ZRANB3: variants seen among roughly 807,000 people sequenced by gnomAD.
The protein encoded by ZRANB3 is DNA annealing helicase and endonuclease ZRANB3.
A neutral mutation model predicts 133.8 loss-of-function variants in ZRANB3; 125 were observed. The observed-to-expected ratio is 0.93, with a 90% CI of 0.81 to 1.08. ZRANB3 has a LOEUF of 1.08. ZRANB3 is among the 50% of genes least tolerant of loss of function. The pLI, the probability that ZRANB3 is intolerant of heterozygous loss-of-function variation, is 0.00. For missense variants in ZRANB3, 1,229 were observed against 1,275.5 expected, an observed-to-expected ratio of 0.96 and a Z score of 0.56; for synonymous variants, 387 against 432.7, an observed-to-expected ratio of 0.89 and a Z score of 1.31.
At chr2:135,414,247 G>A (rs1279998868) in intron 2 of ZRANB3, among the ~76,000 whole-genome samples, 2 of 152,080 alleles carry the variant, frequency 1.3e-5, no homozygotes. Context: ...CAAAATAAAA[G>A]GATGGAGGAA....
At chr2:135,441,635 T>A (rs1460540373) in intron 2 of ZRANB3, among the ~76,000 whole-genome samples, 1 of 152,058 alleles carries the variant, frequency 6.6e-6, no homozygotes, top group Non-Finnish European at 1.5e-5. Flanking sequence ...TATATACTTG[T>A]ATAATACAAT....
At chr2:135,528,790 T>C (rs1443798545) in intron 1 of ZRANB3, among the ~76,000 whole-genome samples, 2 of 152,254 alleles carry the variant, frequency 1.3e-5, no homozygotes, top group Non-Finnish European at 2.9e-5. Context: ...TACATTCCTA[T>C]ATCTAGCAGG....
intron 17 of ZRANB3, among the ~76,000 whole-genome samples, chr2:135,210,491 T>C (rs1379061074): frequency 2.0e-5 from 3 of 152,084 alleles, no homozygotes; most frequent in South Asian, 4.1e-4. Flanking sequence ...ACCACCATGC[T>C]TGGCCAATTA....
intron 8 of ZRANB3, among the ~76,000 whole-genome samples, chr2:135,287,406 CT>C (rs1364614220): frequency 6.6e-6 from 1 of 152,008 alleles, no homozygotes; most frequent in Non-Finnish European, 1.5e-5. Flanking sequence ...TATGATGAGT[CT>C]TTTTTGGTTC....
intron 18 of ZRANB3, among the ~76,000 whole-genome samples, chr2:135,208,288 T>TA (rs1363744659): frequency 1.6e-4 from 24 of 152,154 alleles, no homozygotes; most frequent in African/African-American, 5.8e-4. Context: ...TCACAGGAAA[T>TA]AGAGTCACAG....
At position 135,408,302 on chromosome 2, in the gene ZRANB3, G is replaced by C. The variant is rs556143808; in HGVS notation, c.162-17482C>G. On this transcript the variant is annotated intron_variant, in intron 2 of 20. Transcript: ENST00000264159. ...ACCATCTCACACCAGTTAGAATGGC[G>C]ATCATTAAAAAGTCAGGAAACAACA... is the stretch of plus-strand genomic sequence containing the variant. 2.3e-4 allele frequency among the ~76,000 whole-genome samples: 35 copies of C among 152,048 alleles called. No individual in the cohort carries two copies. In the East Asian group the frequency reaches 6.0e-3, roughly 26 times the overall value.
chr2:135,255,370 T>C (rs1679605204), intron 12 of ZRANB3, among the ~76,000 whole-genome samples: 1 of 152,174 alleles, frequency 6.6e-6, no homozygotes, highest in African/African-American at 2.4e-5. Flanking sequence ...CTCTCTGCTT[T>C]ACCCCTACAA....
intron 6 of ZRANB3, among the ~76,000 whole-genome samples, chr2:135,321,473 G>GTTTT (rs1558915065): frequency 7.1e-6 from 1 of 140,954 alleles, no homozygotes; most frequent in African/African-American, 2.9e-5. Context: ...TGAGTTTTGG[G>GTTTT]ATTTTTTTTT....
chr2:135,244,515 C>G (rs946158686), intron 12 of ZRANB3, among the ~76,000 whole-genome samples: 1 of 151,784 alleles, frequency 6.6e-6, no homozygotes, highest in East Asian at 1.9e-4. Flanking sequence ...GGCTGACGCA[C>G]GAGAATCACT....
rs529532300 is a variant in ZRANB3 at position 135,233,752 on chromosome 2, T to C, written c.1540-2825A>G. Among the ~76,000 whole-genome samples, 451 of 152,262 alleles carry C rather than the reference T, an allele frequency of 3.0e-3. 3 individuals carry two copies. The highest frequency in any genetic ancestry group is 0.01 in the African/African-American group (420 of 41,548). ...ACAGACAAGCAAATGCTGAGAGATT[T>C]TGTCACCACCAGACCTGCCCTAAAA... is the stretch of plus-strand genomic sequence containing the variant. On this transcript the variant is annotated intron_variant, in intron 12 of 20. Transcript: ENST00000264159.
At chr2:135,327,999 T>C (rs1469189400) in intron 6 of ZRANB3, among the ~76,000 whole-genome samples, 1 of 152,108 alleles carries the variant, frequency 6.6e-6, no homozygotes, top group Non-Finnish European at 1.5e-5. Flanking sequence ...GTAGAGAAGC[T>C]GTCTAGAGGG....
At chr2:135,429,676 A>G (rs896056456) in intron 2 of ZRANB3, among the ~76,000 whole-genome samples, 2 of 152,126 alleles carry the variant, frequency 1.3e-5, no homozygotes, top group Non-Finnish European at 2.9e-5. Context: ...GTTAACAGAG[A>G]ATGCCTAAAA....
chr2:135,363,979 G>A (rs1222215365), intron 3 of ZRANB3, among the ~76,000 whole-genome samples: 2 of 152,096 alleles, frequency 1.3e-5, no homozygotes, highest in African/African-American at 4.8e-5. Flanking sequence ...GGGAGGCTGA[G>A]CTAGGAGGAT....
chr2:135,434,009 A>G (rs555855712), intron 2 of ZRANB3, among the ~76,000 whole-genome samples: 3 of 152,172 alleles, frequency 2.0e-5, no homozygotes, highest in Admixed American at 2.0e-4. Flanking sequence ...ACAAAACAAA[A>G]AAATTAGCCA....
rs1685375084 is a variant in ZRANB3, at chr2:135,355,210, C to A, written c.181-1582G>T. On this transcript the variant is annotated intron_variant, in intron 3 of 20. Transcript: ENST00000264159. ...CAAAAAAGCAATCTTAGAATTCATG[C>A]AAAGTTATATTTACACATTCGTTGG... The A allele has an allele frequency of 4.1e-6, 4 of 984,866 alleles. No individual in the cohort carries two copies. The South Asian group carries it at 1.9e-4, about 46-fold the overall frequency. The allele number at this position is 984,866 out of a possible 1,614,324, so 61.0% of individuals were successfully genotyped here. A position where few individuals can be genotyped will look rare whatever the true frequency, so the allele number is the denominator to read the frequency against.
intron 2 of ZRANB3, among the ~76,000 whole-genome samples, chr2:135,480,883 T>C (rs202019641): frequency 0.23 from 29,459 of 126,986 alleles, 5,409 homozygotes; most frequent in African/African-American, 0.56. Flanking sequence ...TTTGTTCTTG[T>C]GATAGTTTAC....
chr2:135,410,746 T>C (rs1427682035), intron 2 of ZRANB3, among the ~76,000 whole-genome samples: 2 of 150,376 alleles, frequency 1.3e-5, no homozygotes, highest in Admixed American at 6.7e-5. Flanking sequence ...CTAGACTCTA[T>C]AAGGAACTGG....
At chr2:135,510,766 A>C in intron 1 of ZRANB3, 1 of 805,200 alleles carries the variant, frequency 1.2e-6, no homozygotes, top group Admixed American at 1.7e-5. Context: ...GTTGCGAAGG[A>C]CCTTCTGAAC....
At chr2:135,399,190 C>T (rs745965964) in intron 2 of ZRANB3, among the ~76,000 whole-genome samples, 7 of 152,224 alleles carry the variant, frequency 4.6e-5, no homozygotes, top group Non-Finnish European at 1.0e-4. Context: ...TTCCCCCTGT[C>T]ACCTGGTCTC....
Sources: allele counts gnomAD v4.1 joint callset (sites outside exome capture counted in the v4.1 genomes callset), GRCh38; gene constraint gnomAD v4.1.1; transcripts MANE v1.5; gene names NCBI Gene and HGNC (gene_info 2026-07-23, HGNC 2026-07-21).